Variants in ATP2C2 observed in about 807,000 individuals in gnomAD.
ATP2C2 encodes the protein ATPase secretory pathway Ca2+ transporting 2, also known as calcium-transporting ATPase type 2C member 2.
Under a neutral mutation model 110.8 loss-of-function variants are expected in ATP2C2, and 171 were observed. The ratio of observed to expected loss-of-function variants is 1.54; its 90% CI spans 1.36 to 1.75. The LOEUF (loss-of-function observed/expected upper bound fraction) is 1.75. Ranked by LOEUF, ATP2C2 falls within the 40% of genes most tolerant of loss-of-function variation. The pLI is 0.00. For synonymous variants in ATP2C2, 804 were observed against 508.4 expected, an observed-to-expected ratio of 1.58 and a Z score of -7.82; for missense variants, 1,963 against 1,235.0, an observed-to-expected ratio of 1.59 and a Z score of -8.84.
chr16:84,459,792 C>T (rs1242823639), intron 23 of ATP2C2: 1 of 541,444 alleles, frequency 1.8e-6, no homozygotes. Flanking sequence ...CCTTATGGAT[C>T]TGATTGTGAT....
rs1447321934 is a variant in ATP2C2, at chr16:84,408,496, T to C, written c.417+2T>C. 1 of 1,612,022 alleles carries C rather than the reference T, an allele frequency of 6.2e-7. No individual in the cohort carries two copies. Among genetic ancestry groups the C allele is most frequent in the African/African-American group, 1.3e-5 (1 of 74,810 alleles). On this transcript the variant is annotated splice_donor_variant, in intron 4 of 26. Coordinates refer to ENST00000262429, the MANE Select transcript of ATP2C2 (RefSeq NM_014861.4). LOFTEE classifies it high-confidence loss of function. The stretch of plus-strand genomic sequence containing the variant: ...GAGGACGCCGTCAGCATCGCCACGG[T>C]GAGTTCCCTGACAGCGCTCGGCTCC...
intron 7 of ATP2C2, among the ~76,000 whole-genome samples, chr16:84,415,926 T>A (rs551959104): frequency 6.6e-6 from 1 of 151,682 alleles, no homozygotes; most frequent in African/African-American, 2.4e-5. Context: ...ACACAAGTGT[T>A]AGAAAGAAGT....
intron 6 of ATP2C2, chr16:84,411,052 C>G (rs1906239295): frequency 2.0e-6 from 1 of 504,070 alleles, no homozygotes; most frequent in Admixed American, 3.2e-5. Flanking sequence ...GGGTAGCCCA[C>G]AAAGCCTGTG....
chr16:84,409,532 CAG>C (rs1481949328), intron 4 of ATP2C2, among the ~76,000 whole-genome samples: 3 of 151,870 alleles, frequency 2.0e-5, no homozygotes, highest in African/African-American at 7.3e-5. Flanking sequence ...TTTTTTGAGA[CAG>C]AGTCTTGCTG....
At chr16:84,374,663 G>A (rs1388962933) in intron 1 of ATP2C2, among the ~76,000 whole-genome samples, 1 of 152,108 alleles carries the variant, frequency 6.6e-6, no homozygotes, top group East Asian at 1.9e-4. Flanking sequence ...GGGTGGGACT[G>A]GGAGCTGATG....
At chr16:84,425,926 C>A (rs1302409905) in intron 11 of ATP2C2, 125 bp downstream of exon 11, 2 of 1,188,758 alleles carry the variant, frequency 1.7e-6, no homozygotes, top group Non-Finnish European at 2.5e-6. Flanking sequence ...AGCCCCGTCA[C>A]CCAAACTCCA....
intron 11 of ATP2C2, among the ~76,000 whole-genome samples, chr16:84,438,117 C>T (rs1397853772): frequency 6.6e-6 from 1 of 151,956 alleles, no homozygotes; most frequent in Non-Finnish European, 1.5e-5. Flanking sequence ...TTGGCTCATC[C>T]ATTTGTTCAC....
intron 1 of ATP2C2, among the ~76,000 whole-genome samples, chr16:84,378,059 G>A (rs1464254786): frequency 1.3e-5 from 2 of 152,288 alleles, no homozygotes; most frequent in African/African-American, 2.4e-5. Context: ...GGGAAGAGAG[G>A]GGCCCAAGAT....
intron 11 of ATP2C2, among the ~76,000 whole-genome samples, chr16:84,437,682 A>G (rs868836306): frequency 1.3e-5 from 2 of 151,974 alleles, no homozygotes; most frequent in Non-Finnish European, 2.9e-5. Flanking sequence ...CACCTGGCTA[A>G]TTTTTGTATT....
chr16:84,396,304 T>C (rs1904971331), intron 1 of ATP2C2, among the ~76,000 whole-genome samples: 1 of 151,976 alleles, frequency 6.6e-6, no homozygotes, highest in Admixed American at 6.6e-5. Context: ...TCAGCACTTT[T>C]GGAGGCTGAG....
intron 20 of ATP2C2, 68 bp downstream of exon 20, chr16:84,453,439 G>C: frequency 1.9e-6 from 3 of 1,592,160 alleles, no homozygotes; most frequent in Non-Finnish European, 8.6e-7. Flanking sequence ...GGCTCGAGGA[G>C]CTCATGCGTC....
At chr16:84,430,564 C>A (rs376957618) in intron 11 of ATP2C2, among the ~76,000 whole-genome samples, 3 of 147,636 alleles carry the variant, frequency 2.0e-5, no homozygotes, top group African/African-American at 7.5e-5. Flanking sequence ...TGCTTGAACC[C>A]GGGAGGCAGA....
chr16:84,378,512 T>C (rs766929110), intron 1 of ATP2C2, among the ~76,000 whole-genome samples: 18 of 152,202 alleles, frequency 1.2e-4, no homozygotes, highest in Non-Finnish European at 2.5e-4. Context: ...TTCCACAAAG[T>C]TCCCCTCACT....
At chr16:84,445,865 C>G (rs774893101) in intron 15 of ATP2C2, among the ~76,000 whole-genome samples, 1 of 152,316 alleles carries the variant, frequency 6.6e-6, no homozygotes, top group Admixed American at 6.5e-5. Context: ...CCTGGGGAAA[C>G]TGAGATTCTG....
chr16:84,419,183 G>T (rs1242932166), intron 7 of ATP2C2, among the ~76,000 whole-genome samples: 1 of 144,636 alleles, frequency 6.9e-6, no homozygotes, highest in African/African-American at 2.6e-5. Flanking sequence ...ACTGTAGCCT[G>T]GGTGACAGAG....
At chr16:84,432,604 T>C (rs953633621) in intron 11 of ATP2C2, among the ~76,000 whole-genome samples, 1 of 152,186 alleles carries the variant, frequency 6.6e-6, no homozygotes, top group East Asian at 1.9e-4. Context: ...CACTGCCACC[T>C]CCATCTCCTG....
intron 18 of ATP2C2, among the ~76,000 whole-genome samples, chr16:84,452,760 A>C (rs895751539): frequency 2.0e-5 from 3 of 152,050 alleles, no homozygotes; most frequent in Non-Finnish European, 4.4e-5. Context: ...CGGCCTCACA[A>C]AGTGCTGGGA....
chr16:84,443,731 G>C (rs931233183), intron 15 of ATP2C2, among the ~76,000 whole-genome samples: 2 of 152,258 alleles, frequency 1.3e-5, no homozygotes, highest in Non-Finnish European at 2.9e-5. Flanking sequence ...TCTGTTATCA[G>C]CTTACCTGTC....
rs1412971547 is a variant in ATP2C2, at chr16:84,422,517, TG to T, written c.754del (p.Val252CysfsTer10). On this transcript the variant is annotated frameshift_variant, in exon 8 of 27. Coordinates refer to ENST00000262429, the MANE Select transcript of ATP2C2 (RefSeq NM_014861.4). LOFTEE classifies it high-confidence loss of function. ...AGCAACATCGTCTTCATGGGGACCC[TG>T]GTGCAGTATGGGAGGGGCCAGGTAA... ...TLSNIVFMGT[L>X]VQYGRGQGVV... 1.2e-6 allele frequency: 2 copies of T among 1,614,100 alleles called. No homozygotes were observed. The highest frequency in any genetic ancestry group is 1.7e-6 in the Non-Finnish European group (2 of 1,180,010).
Sources: allele counts gnomAD v4.1 joint callset (sites outside exome capture counted in the v4.1 genomes callset), GRCh38; gene constraint gnomAD v4.1.1; transcripts MANE v1.5; gene names NCBI Gene and HGNC (gene_info 2026-07-23, HGNC 2026-07-21).